Variants in HDAC2 observed in about 807,000 individuals in gnomAD.
HDAC2 encodes the protein YY1-associated factor 1.
In HDAC2, 5 loss-of-function variants were observed where a neutral mutation model predicts 68.5. That is an observed-to-expected ratio of 0.07 (90% CI 0.04 to 0.15). HDAC2 has a LOEUF of 0.15. Ranked by LOEUF, HDAC2 falls within the 10% of genes least tolerant of loss-of-function variation. The pLI, the probability that HDAC2 is intolerant of heterozygous loss-of-function variation, is 1.00. For synonymous variants in HDAC2, 182 were observed against 191.3 expected (o/e 0.95, Z 0.40); for missense variants, 291 against 600.8 (o/e 0.48, Z 5.39).
intron 5 of HDAC2, among the ~76,000 whole-genome samples, chr6:113,955,349 G>T (rs1018335142): frequency 6.6e-6 from 1 of 152,052 alleles, no homozygotes; most frequent in East Asian, 1.9e-4. Context: ...GAGTAGCTGG[G>T]ATTACAGGCG....
chr6:113,935,781 T>G lies in HDAC2; in HGVS notation c.*5277A>C, dbSNP rs1219828155. On this transcript the variant is annotated 3_prime_UTR_variant, in exon 14 of 14. Transcript: ENST00000519065. ...GGTGTCTTCTGTCCTTAACTGTTTG[T>G]TCTACTAAAAAAGAATTTTTCATTA... 6.6e-6 allele frequency: 1 copy of G among 152,188 alleles called. No homozygotes were observed. Among genetic ancestry groups the G allele is most frequent in the Non-Finnish European group, 1.5e-5 (1 of 68,028 alleles). The allele number at this position is 152,188 out of a possible 1,614,324, so 9.4% of individuals were successfully genotyped here. A position where few individuals can be genotyped will look rare whatever the true frequency, so the allele number is the denominator to read the frequency against.
Position 113,944,355 on chromosome 6 carries a change from G to C in HDAC2, c.1147C>G (p.Gln383Glu). ...MLPHAPGVQM[Q>E]AIPEDAVHED... is the part of the protein sequence containing the mutation. Reference sequence around the variant, plus strand: ...TGAACAGCATCTTCTGGAATAGCTTGCATCTGGACACCAGGTGCATGAGGT... The same window carrying C: ...TGAACAGCATCTTCTGGAATAGCTTCCATCTGGACACCAGGTGCATGAGGT... The change falls in exon 11 of 14, where the codon CAA (glutamine) becomes GAA (glutamate). Residue 383 changes from glutamine to glutamate, a missense_variant. Around this residue, in one of 2 missense-constraint regions of HDAC2, gnomAD observed 137 missense variants for 128.7 expected, o/e 1.06. Transcript: ENST00000519065. 6.2e-7 allele frequency: 1 copy of C among 1,612,762 alleles called. No individual in the cohort carries two copies.
intron 1 of HDAC2, among the ~76,000 whole-genome samples, chr6:113,969,399 G>GT (rs1776919077): frequency 6.6e-6 from 1 of 152,208 alleles, no homozygotes; most frequent in African/African-American, 2.4e-5. Context: ...AAAAGAGACA[G>GT]TACGGTCATT....
chr6:113,950,325 T>C (rs1046909504), intron 6 of HDAC2, among the ~76,000 whole-genome samples: 1 of 152,114 alleles, frequency 6.6e-6, no homozygotes, highest in Non-Finnish European at 1.5e-5. Flanking sequence ...GTACAGACAT[T>C]ACTACAAAAT....
chr6:113,959,034 TAA>T (rs1324791376), intron 2 of HDAC2, among the ~76,000 whole-genome samples: 3 of 152,230 alleles, frequency 2.0e-5, no homozygotes, highest in African/African-American at 7.2e-5. Flanking sequence ...ACAGTTCGAG[TAA>T]AAAGTCAAAT....
At chr6:113,950,884 CGAG>C (rs1447770822) in intron 6 of HDAC2, among the ~76,000 whole-genome samples, 3 of 152,174 alleles carry the variant, frequency 2.0e-5, no homozygotes, top group East Asian at 1.9e-4. Flanking sequence ...CAACATCCAA[CGAG>C]GAGAAAGCAA....
At chr6:113,947,159 AAAAC>A (rs1562142005) in intron 8 of HDAC2, 1 of 152,192 alleles carries the variant, frequency 6.6e-6, no homozygotes, top group Non-Finnish European at 1.5e-5. Flanking sequence ...TTTTAAAGAA[AAAAC>A]AAACATACTA....
At chr6:113,965,272 TG>T (rs1582498669) in intron 1 of HDAC2, among the ~76,000 whole-genome samples, 1 of 152,230 alleles carries the variant, frequency 6.6e-6, no homozygotes, top group African/African-American at 2.4e-5. Context: ...TAATATCTTA[TG>T]TAGTAAACTC....
In HDAC2 at chr6:113,941,770, A is replaced by G; in HGVS notation, c.1379-5T>C. 1 of 1,288,512 alleles carries G rather than the reference A, an allele frequency of 7.8e-7. No individual in the cohort carries two copies. The highest frequency in any genetic ancestry group is 1.1e-6 in the Non-Finnish European group (1 of 930,684). The allele number at this position is 1,288,512 out of a possible 1,614,324, so 79.8% of individuals were successfully genotyped here. A position where few individuals can be genotyped will look rare whatever the true frequency, so the allele number is the denominator to read the frequency against. ...ATTTATCTTCTTCCTTAACGTCTAA[A>G]AATAAAGATTGGGAAAAGATTAAAA... On this transcript the variant is annotated splice_polypyrimidine_tract_variant and splice_region_variant and intron_variant, in intron 12 of 13. Coordinates refer to ENST00000519065, the MANE Select transcript of HDAC2 (RefSeq NM_001527.4).
intron 1 of HDAC2, among the ~76,000 whole-genome samples, chr6:113,963,347 G>T (rs910087985): frequency 6.6e-6 from 1 of 152,050 alleles, no homozygotes; most frequent in Non-Finnish European, 1.5e-5. Context: ...GCCTCCCAAA[G>T]TGCTGGGATT....
Position 113,938,407 on chromosome 6 carries a change from T to A in HDAC2, c.*2651A>T, listed in dbSNP as rs1304658943. On this transcript the variant is annotated 3_prime_UTR_variant, in exon 14 of 14. Transcript: ENST00000519065. ...CTTGACTTGTCTTCTAAGTTTTTGT[T>A]GGTCCACTGAACTAATTTTTTTTTT... 4.6e-5 allele frequency: 7 copies of A among 152,220 alleles called. No individual in the cohort carries two copies. 9.4% of individuals were successfully genotyped at this position (152,220 alleles called of 1,614,324 possible).
rs764247521 is a variant in HDAC2 at position 113,945,345 on chromosome 6, A to G, written c.1091+17T>C. ...TCAAGATAAAATGTTTATCAAAACAATTCAATGATTTCTTACTTTATCTTT... is the reference window on the plus strand; with the variant it reads ...TCAAGATAAAATGTTTATCAAAACAGTTCAATGATTTCTTACTTTATCTTT... On this transcript the variant is annotated intron_variant, in intron 10 of 13. Coordinates refer to ENST00000519065, the MANE Select transcript of HDAC2 (RefSeq NM_001527.4). The G allele has an allele frequency of 4.4e-6, 5 of 1,134,740 alleles. No homozygotes were observed. Among genetic ancestry groups the G allele is most frequent in the South Asian group, 3.9e-5 (3 of 77,886 alleles). 70.3% of individuals were successfully genotyped at this position (1,134,740 alleles called of 1,614,324 possible). A position where few individuals can be genotyped will look rare whatever the true frequency, so the allele number is the denominator to read the frequency against.
At chr6:113,945,620 G>A (rs1201019446) in intron 9 of HDAC2, 150 bp from the exon 10 acceptor site, 3 of 645,368 alleles carry the variant, frequency 4.6e-6, no homozygotes, top group South Asian at 3.5e-5. Context: ...TATAAAGAAT[G>A]GCACTTACTC....
At chr6:113,970,626 C>G in intron 1 of HDAC2, 1 of 1,338,812 alleles carries the variant, frequency 7.5e-7, no homozygotes, top group Non-Finnish European at 9.5e-7. Flanking sequence ...GGGGGAGAGG[C>G]AGGAGACAAG....
At chr6:113,944,488 A>G in intron 10 of HDAC2, 78 bp from the exon 11 acceptor site, 2 of 1,273,066 alleles carry the variant, frequency 1.6e-6, no homozygotes, top group South Asian at 1.3e-5. Context: ...AATATTTAGC[A>G]AAAAATTTCA....
intron 3 of HDAC2, 38 bp from the exon 4 acceptor site, chr6:113,956,731 G>C (rs1451811112): frequency 9.9e-6 from 14 of 1,417,584 alleles, no homozygotes; most frequent in Non-Finnish European, 1.3e-5. Context: ...AACACATTCT[G>C]CAAATTAATG....
At chr6:113,944,721 T>C (rs1776228776) in intron 10 of HDAC2, among the ~76,000 whole-genome samples, 1 of 152,174 alleles carries the variant, frequency 6.6e-6, no homozygotes, top group South Asian at 2.1e-4. Context: ...CACAAACTAC[T>C]GGTCTAAAGC....
At chr6:113,959,692 G>A (rs967870157) in intron 2 of HDAC2, 1 of 329,184 alleles carries the variant, frequency 3.0e-6, no homozygotes, top group Non-Finnish European at 5.4e-6. Context: ...AGGGTAGGGG[G>A]AACTTTTTTA....
In HDAC2 at chr6:113,936,968, G is replaced by C. The variant is rs551939606; in HGVS notation, c.*4090C>G. Reference sequence around the variant, plus strand: ...GATCATGCCACTGCACTCCAACCTGGGCAACAGAGTGAGACTCTTTCAAAA... The same window carrying C: ...GATCATGCCACTGCACTCCAACCTGCGCAACAGAGTGAGACTCTTTCAAAA... On this transcript the variant is annotated 3_prime_UTR_variant, in exon 14 of 14. Coordinates refer to ENST00000519065, the MANE Select transcript of HDAC2 (RefSeq NM_001527.4). 2.0e-5 allele frequency: 3 copies of C among 151,780 alleles called. No homozygotes were observed. The South Asian group carries it at 6.3e-4, about 32-fold the overall frequency. The allele number at this position is 151,780 out of a possible 1,614,324, so 9.4% of individuals were successfully genotyped here.
Sources: allele counts gnomAD v4.1 joint callset (sites outside exome capture counted in the v4.1 genomes callset), GRCh38; gene constraint gnomAD v4.1.1; regional missense constraint gnomAD v4.1.1; transcripts MANE v1.5; gene names NCBI Gene and HGNC (gene_info 2026-07-23, HGNC 2026-07-21).